Variants in MTREX observed in about 807,000 individuals in gnomAD.
MTREX encodes Mtr4 exosome RNA helicase, also known as exosome RNA helicase MTR4.
A neutral mutation model predicts 135.4 loss-of-function variants in MTREX; 76 were observed. The ratio of observed to expected loss-of-function variants is 0.56; its 90% CI spans 0.47 to 0.68. The LOEUF is 0.68. Among genes scored for constraint, MTREX ranks in the 30% least tolerant of loss-of-function variants. MTREX has a pLI of 0.00. For synonymous variants in MTREX, 404 were observed against 401.6 expected (o/e 1.01, Z -0.07); for missense variants, 920 against 1,262.1 (o/e 0.73, Z 4.11).
At chr5:55,336,388 C>T (rs1749553454) in intron 5 of MTREX, among the ~76,000 whole-genome samples, 1 of 151,984 alleles carries the variant, frequency 6.6e-6, no homozygotes, top group South Asian at 2.1e-4. Flanking sequence ...TTGTTTCTTT[C>T]TGTTCTTAGT....
In MTREX at chr5:55,366,730, C is replaced by T. The variant is rs139419644; in HGVS notation, c.1665C>T (p.Ser555=). The T allele has an allele frequency of 8.0e-5, 127 of 1,580,162 alleles. 1 individual carries two copies. Among genetic ancestry groups the T allele is most frequent in the Admixed American group, 5.1e-4 (28 of 54,690 alleles). The change falls in exon 16 of 27, where the codon TCC becomes TCT. Residue 555 remains serine (S), a synonymous_variant. Transcript: ENST00000230640. ...ACATTTTTTTTCTCTCTTAGGGCTC[C>T]GCTGATCCTCTAAATAGTGCTTTCC... is the stretch of plus-strand genomic sequence containing the variant. ...PTIGKQLLKG[S]ADPLNSAFHL...
chr5:55,419,250 G>A (rs929972729), intron 25 of MTREX, among the ~76,000 whole-genome samples: 10 of 152,192 alleles, frequency 6.6e-5, no homozygotes, highest in African/African-American at 2.4e-4. Context: ...ACTTTCTAAT[G>A]TGCTGTGTGC....
intron 16 of MTREX, among the ~76,000 whole-genome samples, chr5:55,376,885 C>T (rs908271063): frequency 1.3e-5 from 2 of 151,986 alleles, no homozygotes; most frequent in Non-Finnish European, 2.9e-5. Flanking sequence ...GCCTGGCCAA[C>T]ATGGTGAAAC....
At chr5:55,418,150 C>T (rs1254957101) in intron 25 of MTREX, among the ~76,000 whole-genome samples, 2 of 148,408 alleles carry the variant, frequency 1.3e-5, no homozygotes, top group African/African-American at 5.0e-5. Context: ...AGGAGAATGG[C>T]GTGAACCTGG....
intron 7 of MTREX, among the ~76,000 whole-genome samples, chr5:55,342,184 A>G (rs1228303839): frequency 1.3e-5 from 2 of 152,250 alleles, no homozygotes; most frequent in Non-Finnish European, 1.5e-5. Flanking sequence ...TGCTGGGATT[A>G]CAGGCGTGAA....
chr5:55,336,646 C>T (rs1225242119), intron 5 of MTREX, among the ~76,000 whole-genome samples: 8 of 152,118 alleles, frequency 5.3e-5, no homozygotes, highest in African/African-American at 1.9e-4. Flanking sequence ...ACTCATTTTC[C>T]AGGGAGGATT....
chr5:55,359,067 G>A (rs946325664), intron 15 of MTREX, among the ~76,000 whole-genome samples: 2 of 152,196 alleles, frequency 1.3e-5, no homozygotes, highest in Non-Finnish European at 2.9e-5. Context: ...TTTTGGGCAG[G>A]CAATGAGCTT....
At chr5:55,398,935 G>A (rs1230794701) in intron 20 of MTREX, among the ~76,000 whole-genome samples, 1 of 152,190 alleles carries the variant, frequency 6.6e-6, no homozygotes, top group East Asian at 1.9e-4. Context: ...AGCCACAGGA[G>A]GAAGAATTGG....
At chr5:55,322,741 T>C (rs987454480) in intron 2 of MTREX, among the ~76,000 whole-genome samples, 2 of 152,216 alleles carry the variant, frequency 1.3e-5, no homozygotes, top group African/African-American at 2.4e-5. Context: ...TTTCTTTATT[T>C]GTAATGCCTC....
rs1250587846 is a variant in MTREX at position 55,344,529 on chromosome 5, A to G, written c.914A>G (p.His305Arg). 1 of 1,604,686 alleles carries G rather than the reference A, an allele frequency of 6.2e-7. No individual in the cohort carries two copies. Among genetic ancestry groups the G allele is most frequent in the African/African-American group, 1.3e-5 (1 of 74,676 alleles). ...AATTCTTTCTTTTTACAGCCTTGTC[A>G]TGTTATTTACACAGATTATCGGCCC... Reference protein sequence around the residue: ...WICHLHKQPCHVIYTDYRPTP... With the variant: ...WICHLHKQPCRVIYTDYRPTP... Residue 305 changes from histidine (H) to arginine (R), a missense_variant, in exon 9 of 27, where the codon CAT becomes CGT. His to Arg is a conservative substitution (Grantham distance 29). Transcript: ENST00000230640.
At chr5:55,419,081 G>A (rs886272111) in intron 25 of MTREX, among the ~76,000 whole-genome samples, 3 of 152,174 alleles carry the variant, frequency 2.0e-5, no homozygotes, top group African/African-American at 7.2e-5. Context: ...CTGGGCTCAA[G>A]TGATCCACCT....
chr5:55,380,182 T>C (rs1319644020), intron 18 of MTREX, among the ~76,000 whole-genome samples: 1 of 151,872 alleles, frequency 6.6e-6, no homozygotes, highest in Non-Finnish European at 1.5e-5. Context: ...CCTTGTGATC[T>C]GCCCGCCTCG....
intron 16 of MTREX, among the ~76,000 whole-genome samples, chr5:55,375,507 TTTAAGG>T (rs1408926754): frequency 6.6e-6 from 1 of 151,892 alleles, no homozygotes; most frequent in Non-Finnish European, 1.5e-5. Flanking sequence ...GCGGTCAGAG[TTTAAGG>T]TTATCTCTCT....
chr5:55,328,612 G>C (rs1263838944), intron 4 of MTREX, 87 bp from the exon 5 acceptor site: 13 of 815,334 alleles, frequency 1.6e-5, no homozygotes, highest in African/African-American at 5.2e-5. Context: ...GAATGCTTTG[G>C]GGGGTAGCCT....
At chr5:55,341,988 G>A (rs1424090142) in intron 7 of MTREX, among the ~76,000 whole-genome samples, 1 of 152,142 alleles carries the variant, frequency 6.6e-6, no homozygotes, top group Non-Finnish European at 1.5e-5. Flanking sequence ...ATCCTAGGTA[G>A]GATCATGGTT....
Position 55,405,511 on chromosome 5 carries a change from T to G in MTREX, c.2568T>G (p.Arg856=), listed in dbSNP as rs1257647723. The G allele has an allele frequency of 1.2e-6, 2 of 1,613,844 alleles. No individual in the cohort carries two copies. Among genetic ancestry groups the G allele is most frequent in the Non-Finnish European group, 1.7e-6 (2 of 1,179,828 alleles). The change falls in exon 22 of 27, where the codon CGT becomes CGG. Residue 856 remains arginine, a synonymous_variant. Transcript: ENST00000230640. ...LQMDELKCRK[R]VLRRLGFATS... The stretch of plus-strand genomic sequence containing the variant: ...TGGATGAACTCAAATGTCGCAAACG[T>G]GTTTTAAGAAGGTTGGGATTTGCTA...
Position 55,328,819 on chromosome 5 carries a change from G to A in MTREX, c.515+8G>A, listed in dbSNP as rs1165320515. On this transcript the variant is annotated splice_region_variant and intron_variant, in intron 5 of 26. Coordinates refer to ENST00000230640, the MANE Select transcript of MTREX (RefSeq NM_015360.5). ...AAAAACAGTATGCGCCGAGTGAGTAGCTTCCTTTTTAAAGTCACTTTGTTT... is the reference window on the plus strand; with the variant it reads ...AAAAACAGTATGCGCCGAGTGAGTAACTTCCTTTTTAAAGTCACTTTGTTT... 3.3e-6 allele frequency: 5 copies of A among 1,537,634 alleles called. No homozygotes were observed. The highest frequency in any genetic ancestry group is 2.3e-5 in the East Asian group (1 of 44,060).
chr5:55,405,264 G>T, intron 21 of MTREX, 161 bp from the exon 22 acceptor site: 1 of 533,996 alleles, frequency 1.9e-6, no homozygotes. Flanking sequence ...ATGTATCTAA[G>T]AAGCTCCAGT....
chr5:55,346,224 C>G (rs1749730596), intron 10 of MTREX, among the ~76,000 whole-genome samples: 1 of 152,250 alleles, frequency 6.6e-6, no homozygotes, highest in Non-Finnish European at 1.5e-5. Flanking sequence ...GTCTATGTTT[C>G]ACCTTTTGAG....
Sources: gnomAD v4.1 joint callset for allele counts (sites outside exome capture counted in the v4.1 genomes callset) on GRCh38, gnomAD v4.1.1 for gene constraint, MANE v1.5 for transcripts, NCBI Gene and HGNC (gene_info 2026-07-23, HGNC 2026-07-21) for gene names.